Variants in ZNF132 observed in about 807,000 individuals in gnomAD.
The protein encoded by ZNF132 is zinc finger protein 132 (clone pHZ-12).
In ZNF132, 6 loss-of-function variants were observed where a neutral mutation model predicts 9.3. The observed-to-expected ratio is 0.65, with a 90% confidence interval of 0.35 to 1.28. The LOEUF (loss-of-function observed/expected upper bound fraction) is 1.28, where lower values mean the gene tolerates loss of function less well. ZNF132 is among the 50% of genes most tolerant of loss of function. The pLI, the probability that ZNF132 is intolerant of heterozygous loss-of-function variation, is 0.03. For missense variants in ZNF132, 877 were observed against 843.2 expected (o/e 1.04, Z -0.50); for synonymous variants, 296 against 292.0 (o/e 1.01, Z -0.14).
rs764763249 is a variant in ZNF132, at chr19:58,434,807, C to A, written c.637G>T (p.Val213Phe). 1 of 1,614,216 alleles carries A rather than the reference C, an allele frequency of 6.2e-7. No individual in the cohort carries two copies. Among genetic ancestry groups the A allele is most frequent in the Non-Finnish European group, 8.5e-7 (1 of 1,180,032 alleles). ...GSCDLLQLQA[V>F]DSGQKPYSNL... ...GAATATGGCTTCTGCCCACTGTCAA[C>A]AGCTTGAAGCTGGAGGAGGTCACAG... Residue 213 changes from valine (V) to phenylalanine (F), a missense_variant, in exon 3 of 3, where the codon GTT (valine) becomes TTT (phenylalanine). Val to Phe is a conservative substitution (Grantham distance 50). Coordinates refer to ENST00000254166, the MANE Select transcript of ZNF132 (RefSeq NM_003433.4).
In ZNF132 at chr19:58,433,316, G is replaced by A. The variant is rs149334340; in HGVS notation, c.*7C>T. On this transcript the variant is annotated 3_prime_UTR_variant, in exon 3 of 3. Transcript: ENST00000254166. ...TTCTCACAAAGACCACTTCCATAAGGCTCCACTCAGGTATGAATCTTTTTA... is the reference window on the plus strand; with the variant it reads ...TTCTCACAAAGACCACTTCCATAAGACTCCACTCAGGTATGAATCTTTTTA... 2.3e-4 allele frequency: 363 copies of A among 1,604,392 alleles called. No individual in the cohort carries two copies. The African/African-American group carries it at 4.5e-3, about 20-fold the overall frequency.
intron 2 of ZNF132, 163 bp from the exon 3 acceptor site, chr19:58,435,374 G>T: frequency 5.2e-6 from 4 of 769,722 alleles, no homozygotes; most frequent in Non-Finnish European, 6.1e-6. Context: ...ATTACTATTG[G>T]CAGGATAGGG....
Position 58,433,086 on chromosome 19 carries a change from A to C in ZNF132, c.*237T>G, listed in dbSNP as rs972105581. The C allele has an allele frequency of 2.0e-6, 1 of 489,174 alleles. No individual in the cohort carries two copies. The highest frequency in any genetic ancestry group is 3.7e-6 in the Non-Finnish European group (1 of 272,774). 30.3% of individuals were successfully genotyped at this position (489,174 alleles called of 1,614,324 possible). A position where few individuals can be genotyped will look rare whatever the true frequency, so the allele number is the denominator to read the frequency against. On this transcript the variant is annotated 3_prime_UTR_variant, in exon 3 of 3. Transcript: ENST00000254166. ...TGTTTTCCCCATGCATGAGGACAGG[A>C]CTGCTGCAAATTTTTGGATCCAGGC...
Position 58,439,962 on chromosome 19 carries a change from G to A in ZNF132, c.-141C>T. The stretch of plus-strand genomic sequence containing the variant: ...CACCGCAGGGACGAAGGCTGGGTAT[G>A]GAGACCCTGGAGACGCGTGGCGCTG... On this transcript the variant is annotated 5_prime_UTR_variant, in exon 1 of 3. Transcript: ENST00000254166. The A allele has an allele frequency of 1.3e-6, 1 of 758,378 alleles. No homozygotes were observed. The highest frequency in any genetic ancestry group is 2.1e-6 in the Non-Finnish European group (1 of 474,668). 47.0% of individuals were successfully genotyped at this position (758,378 alleles called of 1,614,324 possible). A position where few individuals can be genotyped will look rare whatever the true frequency, so the allele number is the denominator to read the frequency against.
In ZNF132 at chr19:58,439,707, T is replaced by A. The variant is rs1005423896; in HGVS notation, c.63+52A>T. 18 of 1,484,202 alleles carry A rather than the reference T, an allele frequency of 1.2e-5. No individual in the cohort carries two copies. The African/African-American group carries it at 2.2e-4, about 18-fold the overall frequency. The allele number at this position is 1,484,202 out of a possible 1,614,324, so 91.9% of individuals were successfully genotyped here. On this transcript the variant is annotated intron_variant, in intron 1 of 2. Coordinates refer to ENST00000254166, the MANE Select transcript of ZNF132 (RefSeq NM_003433.4). ...CATCCCCTCTATCTGGGCTTCAGGA[T>A]CCTGAGGGCCGGAATCCCAGCGGGT...
chr19:58,435,956 A>T (rs2052770616), intron 2 of ZNF132, among the ~76,000 whole-genome samples: 1 of 152,200 alleles, frequency 6.6e-6, no homozygotes, highest in Admixed American at 6.5e-5. Context: ...ATGCTCATCC[A>T]CTGGTAAATG....
Position 58,433,376 on chromosome 19 carries a change from T to C in ZNF132, c.2068A>G (p.Lys690Glu), listed in dbSNP as rs1370649339. The C allele has an allele frequency of 6.2e-7, 1 of 1,614,104 alleles. No individual in the cohort carries two copies. Among genetic ancestry groups the C allele is most frequent in the East Asian group, 2.2e-5 (1 of 44,904 alleles). Residue 690 changes from lysine (K) to glutamate (E), a missense_variant, in exon 3 of 3, where the codon AAA (lysine) becomes GAA (glutamate). Lys to Glu is a moderately conservative substitution (Grantham distance 56). Coordinates refer to ENST00000254166, the MANE Select transcript of ZNF132 (RefSeq NM_003433.4). ...AGGTTACAAAGATGGCTGAAGAGTTTCCCACACTGGCTACACTCATAAGTC... is the reference window on the plus strand; with the variant it reads ...AGGTTACAAAGATGGCTGAAGAGTTCCCCACACTGGCTACACTCATAAGTC... The part of the protein sequence containing the change: ...ERTYECSQCG[K>E]LFSHLCNLAQ...
chr19:58,436,940 G>T, intron 2 of ZNF132, 107 bp downstream of exon 2: 4 of 1,502,042 alleles, frequency 2.7e-6, no homozygotes, highest in Non-Finnish European at 3.7e-6. Flanking sequence ...CAGGAAACCC[G>T]AGAAGGAAGC....
intron 2 of ZNF132, among the ~76,000 whole-genome samples, chr19:58,436,000 A>G (rs1331113787): frequency 6.6e-6 from 1 of 152,260 alleles, no homozygotes; most frequent in African/African-American, 2.4e-5. Context: ...ATACACTGGA[A>G]TATTTGGCTA....
chr19:58,433,647 A>G lies in ZNF132; in HGVS notation c.1797T>C (p.Tyr599=), dbSNP rs780996279. 2 of 1,614,160 alleles carry G rather than the reference A, an allele frequency of 1.2e-6. No homozygotes were observed. Among genetic ancestry groups the G allele is most frequent in the South Asian group, 1.1e-5 (1 of 91,088 alleles). The change falls in exon 3 of 3, where the codon TAT becomes TAC. Residue 599 remains tyrosine, a synonymous_variant. Transcript: ENST00000254166. The part of the protein sequence containing the change: ...HQKVHTGEKP[Y]KCSECGKFFS... ...AGAATTTCCCACATTCACTGCATTT[A>G]TAAGGCTTTTCTCCAGTATGAACTT...
Position 58,435,181 on chromosome 19 carries a change from G to GC in ZNF132, c.262dup (p.Ala88GlyfsTer18). 6.2e-7 allele frequency: 1 copy of GC among 1,613,874 alleles called. No homozygotes were observed. The highest frequency in any genetic ancestry group is 8.5e-7 in the Non-Finnish European group (1 of 1,179,888). On this transcript the variant is annotated frameshift_variant, in exon 3 of 3. Coordinates refer to ENST00000254166, the MANE Select transcript of ZNF132 (RefSeq NM_003433.4). LOFTEE classifies it low-confidence loss of function (END_TRUNC). The stretch of plus-strand genomic sequence containing the variant: ...TACAGAAACATTCTGCTTGGGATGG[G>GC]CCCCCTCACCCTCTACTCCATGCCA...
Position 58,434,623 on chromosome 19 carries a change from T to C in ZNF132, c.821A>G (p.Glu274Gly). 1.2e-6 allele frequency: 2 copies of C among 1,614,192 alleles called. No individual in the cohort carries two copies. The highest frequency in any genetic ancestry group is 1.7e-6 in the Non-Finnish European group (2 of 1,180,008). The change falls in exon 3 of 3, where the codon GAG (glutamate) becomes GGG (glycine). Residue 274 changes from glutamate (E) to glycine (G), a missense_variant. Physicochemically the swap from Glu to Gly is moderately conservative, Grantham distance 98 (BLOSUM62 -2). Transcript: ENST00000254166. ...TTTATTACCAAGGATTGATTTCTCC[T>C]CTAAGAAATTTCCACCTGTTGGGCA... ...FTCPTGGNFLEEKSILGNKKF... is the reference protein window; with the variant it reads ...FTCPTGGNFLGEKSILGNKKF...
chr19:58,434,873 G>A lies in ZNF132; in HGVS notation c.571C>T (p.Pro191Ser), dbSNP rs140555846. The A allele has an allele frequency of 1.2e-6, 2 of 1,614,038 alleles. No homozygotes were observed. Among genetic ancestry groups the A allele is most frequent in the African/African-American group, 2.7e-5 (2 of 74,910 alleles). Residue 191 changes from proline (P) to serine (S), a missense_variant, in exon 3 of 3, where the codon CCC (proline) becomes TCC (serine). Coordinates refer to ENST00000254166, the MANE Select transcript of ZNF132 (RefSeq NM_003433.4). ...TTCCCACCTTCCCTGCAAGTGAAGG[G>A]GTTCTCTGACAGGTGGACTTTAGAG... The part of the protein sequence containing the change: ...KSSKVHLSEN[P>S]FTCREGGKVI...
In ZNF132 at chr19:58,439,811, G is replaced by C. The variant is rs2052792534; in HGVS notation, c.11C>G (p.Pro4Arg). ...CAACCCCATTAGAACCTGTGGGCTG[G>C]GCAGGGCCATAACAGGAGGCCCAGG... is the stretch of plus-strand genomic sequence containing the variant. MAL[P>R]SPQVLMGLPA... Residue 4 changes from proline to arginine, a missense_variant, in exon 1 of 3, where the codon CCC (proline) becomes CGC (arginine). Physicochemically the swap from Pro to Arg is moderately radical, Grantham distance 103. Transcript: ENST00000254166. 6.5e-7 allele frequency: 1 copy of C among 1,545,232 alleles called. No individual in the cohort carries two copies. Among genetic ancestry groups the C allele is most frequent in the Non-Finnish European group, 8.7e-7 (1 of 1,145,348 alleles).
At chr19:58,436,831 A>G (rs2052775784) in intron 2 of ZNF132, 1 of 704,782 alleles carries the variant, frequency 1.4e-6, no homozygotes, top group East Asian at 2.8e-5. Context: ...TGCCTCCACA[A>G]GGCTCCTGGG....
intron 1 of ZNF132, chr19:58,437,667 C>T: frequency 1.0e-6 from 1 of 970,634 alleles, no homozygotes; most frequent in African/African-American, 1.8e-5. Flanking sequence ...ATATTTCCAA[C>T]CCCTCCCTGT....
Position 58,434,240 on chromosome 19 carries a change from G to A in ZNF132, c.1204C>T (p.Pro402Ser), listed in dbSNP as rs530514682. 1.9e-6 allele frequency: 3 copies of A among 1,614,072 alleles called. No homozygotes were observed. The highest frequency in any genetic ancestry group is 2.7e-5 in the African/African-American group (2 of 75,010). ...RHQKVHTQVR[P>S]YECSQCGKSF... ...TTACCACATTGACTGCACTCATAAG[G>A]TCTTACCTGTGTGTGAACTTTCTGA... Residue 402 changes from proline (P) to serine (S), a missense_variant, in exon 3 of 3, where the codon CCT (proline) becomes TCT (serine). Transcript: ENST00000254166.
Position 58,433,607 on chromosome 19 carries a change from T to A in ZNF132, c.1837A>T (p.Ser613Cys). ...ECGKFFSRKSSLICHWRVHTG... is the reference protein window; with the variant it reads ...ECGKFFSRKSCLICHWRVHTG... ...TGAACTCTCCAGTGACAAATAAGGC[T>A]GGATTTTCGGCTAAAGAATTTCCCA... The change falls in exon 3 of 3, where the codon AGC (serine) becomes TGC (cysteine). Residue 613 changes from serine (S) to cysteine (C), a missense_variant. By Grantham distance (112) the Ser-to-Cys change is moderately radical. Coordinates refer to ENST00000254166, the MANE Select transcript of ZNF132 (RefSeq NM_003433.4). The A allele has an allele frequency of 6.2e-7, 1 of 1,614,068 alleles. No individual in the cohort carries two copies. The highest frequency in any genetic ancestry group is 8.5e-7 in the Non-Finnish European group (1 of 1,180,000).
chr19:58,435,184 C>T lies in ZNF132; in HGVS notation c.260G>A (p.Gly87Glu), dbSNP rs2052766702. 6.2e-7 allele frequency: 1 copy of T among 1,613,578 alleles called. No homozygotes were observed. The highest frequency in any genetic ancestry group is 8.5e-7 in the Non-Finnish European group (1 of 1,179,698). Residue 87 changes from glycine to glutamate, a missense_variant, in exon 3 of 3, where the codon GGG becomes GAG. By Grantham distance (98) the Gly-to-Glu change is moderately conservative. Transcript: ENST00000254166. The stretch of plus-strand genomic sequence containing the variant: ...AGAAACATTCTGCTTGGGATGGGCC[C>T]CCTCACCCTCTACTCCATGCCAAGA... ...LGSWHGVEGE[G>E]AHPKQNVSVE... is the part of the protein sequence containing the mutation.
Sources: gnomAD v4.1 joint callset for allele counts (sites outside exome capture counted in the v4.1 genomes callset) on GRCh38, gnomAD v4.1.1 for gene constraint, MANE v1.5 for transcripts, NCBI Gene and HGNC (gene_info 2026-07-23, HGNC 2026-07-21) for gene names.